The following FOXP1 variants were observed in gnomAD, a reference collection of about 807,000 sequenced individuals.
The protein encoded by FOXP1 is forkhead box protein P1.
FOXP1 carries 15 observed loss-of-function variants against 98.2 expected under a neutral mutation model. That is an observed-to-expected ratio of 0.15 (90% confidence interval 0.10 to 0.24). The LOEUF (loss-of-function observed/expected upper bound fraction) is 0.24, where lower values mean the gene tolerates loss of function less well. Ranked by LOEUF, FOXP1 falls within the 10% of genes least tolerant of loss-of-function variation. FOXP1 has a pLI of 1.00. For synonymous variants in FOXP1, 371 were observed against 314.5 expected (o/e 1.18, Z -1.90); for missense variants, 633 against 848.5 (o/e 0.75, Z 3.15).
At chr3:71,216,486 G>A (rs1389354261) in intron 5 of FOXP1, among the ~76,000 whole-genome samples, 7 of 152,082 alleles carry the variant, frequency 4.6e-5, no homozygotes, top group South Asian at 2.1e-4. Flanking sequence ...CAGCTGCAAC[G>A]TGCTTCAGGT....
At chr3:71,012,751 T>G (rs374982479) in intron 12 of FOXP1, among the ~76,000 whole-genome samples, 2 of 151,830 alleles carry the variant, frequency 1.3e-5, no homozygotes, top group Admixed American at 1.3e-4. Flanking sequence ...ACTGGAGACC[T>G]GCACATAAAT....
At chr3:70,985,563 A>C (rs991625384) in intron 14 of FOXP1, among the ~76,000 whole-genome samples, 1 of 152,240 alleles carries the variant, frequency 6.6e-6, no homozygotes, top group Non-Finnish European at 1.5e-5. Flanking sequence ...GTTCACTCCG[A>C]CAACAGAGTG....
At chr3:71,113,549 C>G (rs2058108326) in intron 6 of FOXP1, among the ~76,000 whole-genome samples, 1 of 151,868 alleles carries the variant, frequency 6.6e-6, no homozygotes, top group African/African-American at 2.4e-5. Context: ...CCTGTCTCTA[C>G]TAAAAATACA....
chr3:71,354,393 AAG>A (rs1200802841), intron 4 of FOXP1, among the ~76,000 whole-genome samples: 4 of 152,168 alleles, frequency 2.6e-5, no homozygotes, highest in African/African-American at 2.4e-5. Context: ...TATCCCCAGC[AAG>A]AAGGCGTACA....
chr3:71,423,557 C>A (rs1054642009), intron 3 of FOXP1, among the ~76,000 whole-genome samples: 1 of 152,238 alleles, frequency 6.6e-6, no homozygotes, highest in African/African-American at 2.4e-5. Flanking sequence ...CCCCTGCTGG[C>A]TGGCATGCTC....
At chr3:71,464,963 G>A (rs539969694) in intron 3 of FOXP1, among the ~76,000 whole-genome samples, 1 of 152,244 alleles carries the variant, frequency 6.6e-6, no homozygotes, top group East Asian at 1.9e-4. Flanking sequence ...CTGCCTCATA[G>A]GGTTTTCTAC....
chr3:71,363,243 G>GT (rs1329936894), intron 3 of FOXP1, among the ~76,000 whole-genome samples: 1 of 152,052 alleles, frequency 6.6e-6, no homozygotes, highest in African/African-American at 2.4e-5. Context: ...TTCAAAATAA[G>GT]TAACAGTGGT....
intron 3 of FOXP1, among the ~76,000 whole-genome samples, chr3:71,482,094 G>A (rs538530769): frequency 3.3e-5 from 5 of 152,228 alleles, no homozygotes; most frequent in Admixed American, 2.0e-4. Flanking sequence ...GACGCAATCA[G>A]CTGACACGCA....
rs1271040440 is a variant in FOXP1 at position 71,415,682 on chromosome 3, T to A, written c.-167-56438A>T. Among the ~76,000 whole-genome samples, 4 of 150,880 alleles carry A rather than the reference T, an allele frequency of 2.7e-5. No homozygotes were observed. In the South Asian group the frequency reaches 8.3e-4, roughly 31 times the overall value. On this transcript the variant is annotated intron_variant, in intron 3 of 20. Coordinates refer to ENST00000649528, the MANE Select transcript of FOXP1 (RefSeq NM_001349338.3). The stretch of plus-strand genomic sequence containing the variant: ...AGGAAGTGTAAGTGTAAGCAGAACA[T>A]AACTCAATCATTAGTTGCTCTTTTT...
chr3:71,499,541 G>A (rs1174111619), intron 2 of FOXP1, among the ~76,000 whole-genome samples: 1 of 152,222 alleles, frequency 6.6e-6, no homozygotes, highest in Non-Finnish European at 1.5e-5. Context: ...AGATTGGCCA[G>A]AAAACTTGGG....
intron 7 of FOXP1, among the ~76,000 whole-genome samples, chr3:71,068,411 CGT>C (rs2052813833): frequency 6.6e-6 from 1 of 152,180 alleles, no homozygotes; most frequent in Non-Finnish European, 1.5e-5. Flanking sequence ...TCAGGAGGAG[CGT>C]CTCCTCAGGA....
At chr3:71,470,338 A>C (rs912433449) in intron 3 of FOXP1, among the ~76,000 whole-genome samples, 1 of 152,240 alleles carries the variant, frequency 6.6e-6, no homozygotes, top group Non-Finnish European at 1.5e-5. Flanking sequence ...AGCTTAGTGG[A>C]ATACCTAATA....
At chr3:71,525,775 G>GT (rs1309060252) in intron 2 of FOXP1, among the ~76,000 whole-genome samples, 34 of 150,698 alleles carry the variant, frequency 2.3e-4, no homozygotes, top group African/African-American at 5.8e-4. Context: ...GATGATTCAC[G>GT]TTTTTTTTTA....
chr3:71,161,968 T>C (rs1036465980), intron 6 of FOXP1, among the ~76,000 whole-genome samples: 3 of 152,160 alleles, frequency 2.0e-5, no homozygotes, highest in Admixed American at 2.0e-4. Context: ...GAAGGATGCA[T>C]TATTCACCCA....
chr3:71,095,125 A>T (rs192986307), intron 7 of FOXP1, among the ~76,000 whole-genome samples: 1 of 152,348 alleles, frequency 6.6e-6, no homozygotes, highest in East Asian at 1.9e-4. Context: ...TTTATTTTCA[A>T]ATTCATCTGT....
intron 6 of FOXP1, among the ~76,000 whole-genome samples, chr3:71,117,618 G>C (rs1245223700): frequency 1.3e-5 from 2 of 152,034 alleles, no homozygotes; most frequent in African/African-American, 2.4e-5. Flanking sequence ...AGACAGAAAG[G>C]ATATGAATAA....
intron 6 of FOXP1, among the ~76,000 whole-genome samples, chr3:71,119,258 G>A (rs1350336339): frequency 6.6e-6 from 1 of 152,182 alleles, no homozygotes; most frequent in Non-Finnish European, 1.5e-5. Context: ...AGATCAGTAT[G>A]AGATCCTGAG....
intron 4 of FOXP1, among the ~76,000 whole-genome samples, chr3:71,342,511 G>C (rs540197701): frequency 6.6e-6 from 1 of 152,166 alleles, no homozygotes; most frequent in African/African-American, 2.4e-5. Flanking sequence ...TGACCAACAA[G>C]GTGAAACCCC....
chr3:71,251,968 G>A (rs138322621), intron 5 of FOXP1, among the ~76,000 whole-genome samples: 1 of 152,106 alleles, frequency 6.6e-6, no homozygotes, highest in African/African-American at 2.4e-5. Flanking sequence ...TACTCCCCAA[G>A]CTGAAAAAAT....
Sources: allele counts gnomAD v4.1 joint callset (sites outside exome capture counted in the v4.1 genomes callset), GRCh38; gene constraint gnomAD v4.1.1; transcripts MANE v1.5; gene names NCBI Gene and HGNC (gene_info 2026-07-23, HGNC 2026-07-21).